Variants in TMPRSS2 observed in about 807,000 individuals in gnomAD.
The protein encoded by TMPRSS2 is transmembrane serine protease 2.
Under a neutral mutation model 67.4 loss-of-function variants are expected in TMPRSS2, and 59 were observed. That is an observed-to-expected ratio of 0.88 (90% CI 0.71 to 1.09). The LOEUF (loss-of-function observed/expected upper bound fraction) is 1.09. Ranked by LOEUF, TMPRSS2 falls within the 50% of genes least tolerant of loss-of-function variation. The pLI is 0.00. For synonymous variants in TMPRSS2, 257 were observed against 257.0 expected, an observed-to-expected ratio of 1.00 and a Z score of 0.00; for missense variants, 668 against 642.7, an observed-to-expected ratio of 1.04 and a Z score of -0.43.
chr21:41,473,288 C>CT, intron 9 of TMPRSS2, 37 bp downstream of exon 9: 1 of 1,542,120 alleles, frequency 6.5e-7, no homozygotes, highest in Non-Finnish European at 8.8e-7. Context: ...TAGGCCAGCC[C>CT]TGAGCCCCCA....
rs1569006687 is a variant in TMPRSS2 at position 41,464,801 on chromosome 21, CA to C, written c.*1340del. On this transcript the variant is annotated 3_prime_UTR_variant, in exon 14 of 14. Transcript: ENST00000332149. ...CTCTCTACAGAGGCATGTGCACAGA[CA>C]GATCCTGCAAATGGGATTGCATGAC... 4.3e-6 allele frequency: 1 copy of C among 233,166 alleles called. No homozygotes were observed. The highest frequency in any genetic ancestry group is 2.2e-5 in the African/African-American group (1 of 45,340). The allele number at this position is 233,166 out of a possible 1,614,324, so 14.4% of individuals were successfully genotyped here.
At chr21:41,499,802 G>A (rs1305677807) in intron 1 of TMPRSS2, among the ~76,000 whole-genome samples, 2 of 152,104 alleles carry the variant, frequency 1.3e-5, no homozygotes, top group African/African-American at 2.4e-5. Flanking sequence ...CTCATTGGAC[G>A]ATTTTTTTTT....
chr21:41,491,629 T>C (rs1320573489), intron 3 of TMPRSS2, among the ~76,000 whole-genome samples: 5 of 152,206 alleles, frequency 3.3e-5, no homozygotes, highest in Admixed American at 3.3e-4. Flanking sequence ...CCAAGGACAC[T>C]TTCCTCCGTC....
At position 41,464,758 on chromosome 21, in the gene TMPRSS2, A is replaced by T. The variant is rs2838038; in HGVS notation, c.*1384T>A. ...CACCTTACAGTGCCAACTGTTTCCA[A>T]GGTCCCTGGGAATGCTGCTCTCTAC... On this transcript the variant is annotated 3_prime_UTR_variant, in exon 14 of 14. Transcript: ENST00000332149. 0.11 allele frequency: 24,937 copies of T among 233,236 alleles called. 1,649 individuals are homozygous for T. Among genetic ancestry groups the T allele is most frequent in the Non-Finnish European group, 0.13 (14,900 of 118,028 alleles). The allele number at this position is 233,236 out of a possible 1,614,324, so 14.4% of individuals were successfully genotyped here. A position where few individuals can be genotyped will look rare whatever the true frequency, so the allele number is the denominator to read the frequency against.
At chr21:41,488,333 A>T (rs965526621) in intron 5 of TMPRSS2, 61 bp downstream of exon 5, 11 of 1,580,910 alleles carry the variant, frequency 7.0e-6, no homozygotes, top group Non-Finnish European at 8.7e-6. Flanking sequence ...AGGCCCCTGG[A>T]CCCGGCTGCT....
At chr21:41,496,185 G>A (rs1438784652) in intron 2 of TMPRSS2, among the ~76,000 whole-genome samples, 4 of 152,046 alleles carry the variant, frequency 2.6e-5, no homozygotes, top group African/African-American at 7.2e-5. Context: ...AATCCCTCCC[G>A]CTGCCAGCGA....
intron 3 of TMPRSS2, among the ~76,000 whole-genome samples, chr21:41,493,121 G>T (rs937572060): frequency 6.6e-6 from 1 of 152,174 alleles, no homozygotes; most frequent in African/African-American, 2.4e-5. Context: ...TCCAGACACC[G>T]CCAATTGTCT....
rs1022726754 is a variant in TMPRSS2, at chr21:41,508,082, T to A, written c.-58A>T. 1 of 1,264,444 alleles carries A rather than the reference T, an allele frequency of 7.9e-7. No individual in the cohort carries two copies. Among genetic ancestry groups the A allele is most frequent in the Non-Finnish European group, 1.0e-6 (1 of 995,328 alleles). The allele number at this position is 1,264,444 out of a possible 1,614,324, so 78.3% of individuals were successfully genotyped here. On this transcript the variant is annotated splice_region_variant and 5_prime_UTR_variant, in exon 1 of 14. Coordinates refer to ENST00000332149, the MANE Select transcript of TMPRSS2 (RefSeq NM_005656.4). ...GACCCTGGTACCGGCGCCGCTCACCTGCCGCGCTCCAGGCGGCGCTCCCCG... is the reference window on the plus strand; with the variant it reads ...GACCCTGGTACCGGCGCCGCTCACCAGCCGCGCTCCAGGCGGCGCTCCCCG...
chr21:41,466,636 C>A lies in TMPRSS2; in HGVS notation c.1468-483G>T, dbSNP rs562303062. ...CCTGGGCCAGGTGACGCCCCCTGGGCCCCATGGTCATGGGAAGGCCCTGAG... is the reference window on the plus strand; with the variant it reads ...CCTGGGCCAGGTGACGCCCCCTGGGACCCATGGTCATGGGAAGGCCCTGAG... On this transcript the variant is annotated intron_variant, in intron 13 of 13. Coordinates refer to ENST00000332149, the MANE Select transcript of TMPRSS2 (RefSeq NM_005656.4). Among the ~76,000 whole-genome samples, 83 of 152,260 alleles carry A rather than the reference C, an allele frequency of 5.5e-4. 1 individual carries two copies. Among genetic ancestry groups the A allele is most frequent in the African/African-American group, 1.9e-3 (77 of 41,542 alleles).
chr21:41,482,644 G>C (rs1353444715), intron 5 of TMPRSS2, among the ~76,000 whole-genome samples: 2 of 152,178 alleles, frequency 1.3e-5, no homozygotes, highest in Non-Finnish European at 2.9e-5. Context: ...TCTGATTATT[G>C]TCTAATGCCT....
Position 41,488,475 on chromosome 21 carries a change from A to G in TMPRSS2, c.364T>C (p.Ser122Pro). The G allele has an allele frequency of 6.2e-7, 1 of 1,613,886 alleles. No homozygotes were observed. The highest frequency in any genetic ancestry group is 1.7e-5 in the Admixed American group (1 of 60,004). ...KCSNSGIECD[S>P]SGTCINPSNW... is the part of the protein sequence containing the mutation. ...GAGGGGTTGATGCAGGTACCTGAGG[A>G]GTCGCACTCTATCCCAGAGTTGGAG... The change falls in exon 5 of 14, where the codon TCC becomes CCC. Residue 122 changes from serine (S) to proline (P), a missense_variant. Transcript: ENST00000332149.
intron 5 of TMPRSS2, 63 bp downstream of exon 5, chr21:41,488,331 G>A: frequency 4.4e-6 from 7 of 1,580,250 alleles, no homozygotes; most frequent in Non-Finnish European, 6.1e-6. Flanking sequence ...AAAGGCCCCT[G>A]GACCCGGCTG....
At chr21:41,472,343 T>C (rs1346395906) in intron 9 of TMPRSS2, among the ~76,000 whole-genome samples, 3 of 152,196 alleles carry the variant, frequency 2.0e-5, no homozygotes, top group African/African-American at 7.2e-5. Flanking sequence ...GGTAGGTGCT[T>C]AATAAATGGA....
intron 6 of TMPRSS2, 118 bp from the exon 7 acceptor site, chr21:41,479,400 T>A: frequency 1.3e-6 from 1 of 754,012 alleles, no homozygotes. Context: ...CCTTAGCATT[T>A]AGGAAAAAAA....
At position 41,489,503 on chromosome 21, in the gene TMPRSS2, T is replaced by C; in HGVS notation, c.325+4A>G. 1.2e-6 allele frequency: 2 copies of C among 1,613,858 alleles called. No homozygotes were observed. Among genetic ancestry groups the C allele is most frequent in the Non-Finnish European group, 1.7e-6 (2 of 1,179,868 alleles). ...ATGGTGGGATCGAGGCTCCCTGCAC[T>C]TACTGAACTTCCAGAGTAGGCCAGC... On this transcript the variant is annotated splice_donor_region_variant and intron_variant, in intron 4 of 13. Transcript: ENST00000332149.
chr21:41,504,011 A>G (rs1490851660), intron 1 of TMPRSS2, among the ~76,000 whole-genome samples: 1 of 152,228 alleles, frequency 6.6e-6, no homozygotes, highest in African/African-American at 2.4e-5. Context: ...CTTAAAGGGA[A>G]TTTGACACTG....
chr21:41,494,042 C>A (rs752987795), intron 3 of TMPRSS2, among the ~76,000 whole-genome samples: 1 of 152,250 alleles, frequency 6.6e-6, no homozygotes, highest in African/African-American at 2.4e-5. Context: ...CACCAATAAA[C>A]CACACAGCCA....
chr21:41,491,855 C>A (rs895527753), intron 3 of TMPRSS2, among the ~76,000 whole-genome samples: 1 of 152,198 alleles, frequency 6.6e-6, no homozygotes, highest in Non-Finnish European at 1.5e-5. Flanking sequence ...TGGGTCTTGG[C>A]TTGTCACGGC....
chr21:41,484,154 C>T (rs148155433), intron 5 of TMPRSS2, among the ~76,000 whole-genome samples: 2 of 152,136 alleles, frequency 1.3e-5, no homozygotes, highest in East Asian at 1.9e-4. Flanking sequence ...ATGTGTACAG[C>T]GTGATGACTG....
Sources: gnomAD v4.1 joint callset for allele counts (sites outside exome capture counted in the v4.1 genomes callset) on GRCh38, gnomAD v4.1.1 for gene constraint, MANE v1.5 for transcripts, NCBI Gene and HGNC (gene_info 2026-07-23, HGNC 2026-07-21) for gene names.